Variants in BANF2 observed in about 807,000 individuals in gnomAD.
BANF2 encodes the protein BANF family member 2, also known as barrier-to-autointegration factor-like protein.
BANF2 carries 4 observed loss-of-function variants against 8.0 expected under a neutral mutation model. The observed-to-expected ratio is 0.50, with a 90% CI of 0.25 to 1.14. BANF2 has a LOEUF of 1.14. Among genes scored for constraint, BANF2 ranks in the 50% most tolerant of loss-of-function variants. The probability of loss-of-function intolerance (pLI) is 0.16; values close to 1 mark genes in which losing one functional copy is unlikely to be tolerated. For missense variants in BANF2, 96 were observed against 107.5 expected, an observed-to-expected ratio of 0.89 and a Z score of 0.47; for synonymous variants, 50 against 40.6, an observed-to-expected ratio of 1.23 and a Z score of -0.88.
chr20:17,713,315 A>T (rs1568811575), intron 1 of BANF2, among the ~76,000 whole-genome samples: 6 of 152,166 alleles, frequency 3.9e-5, no homozygotes. Flanking sequence ...GAGGACATCA[A>T]GCTGAGTAAA....
At chr20:17,719,237 G>T (rs541502779) in intron 1 of BANF2, among the ~76,000 whole-genome samples, 1 of 152,108 alleles carries the variant, frequency 6.6e-6, no homozygotes, top group Non-Finnish European at 1.5e-5. Flanking sequence ...TGAGTCTCCC[G>T]TCTCAGCCTT....
chr20:17,725,418 A>G (rs1741568937), intron 3 of BANF2, among the ~76,000 whole-genome samples: 1 of 152,232 alleles, frequency 6.6e-6, no homozygotes, highest in Non-Finnish European at 1.5e-5. Context: ...TCAAACACTC[A>G]GGGATCAACA....
At chr20:17,727,526 C>A (rs2037825635) in intron 3 of BANF2, among the ~76,000 whole-genome samples, 1 of 152,002 alleles carries the variant, frequency 6.6e-6, no homozygotes, top group Admixed American at 6.6e-5. Context: ...GGGGTGAGAG[C>A]CTGTATCAGG....
chr20:17,707,443 C>T (rs547654034), intron 1 of BANF2, among the ~76,000 whole-genome samples: 6 of 151,820 alleles, frequency 4.0e-5, no homozygotes, highest in East Asian at 1.9e-4. Flanking sequence ...ATGTGGTCCC[C>T]GAGTAGGAAG....
chr20:17,696,627 G>T (rs1216528581), upstream of BANF2, among the ~76,000 whole-genome samples: 1 of 152,156 alleles, frequency 6.6e-6, no homozygotes, highest in Admixed American at 6.5e-5. Flanking sequence ...ACTAAAGACT[G>T]TTTGAGGCCA....
chr20:17,706,760 G>A (rs996726379), intron 1 of BANF2, among the ~76,000 whole-genome samples: 2 of 152,226 alleles, frequency 1.3e-5, no homozygotes, highest in Admixed American at 1.3e-4. Context: ...AGCATTCAAT[G>A]AGCAGATGGC....
Position 17,735,755 on chromosome 20 carries a change from T to A in BANF2, c.217T>A (p.Cys73Ser). ...WLICCFGATE[C>S]EAQQTSHCLK... ...CATTTGCTGTTTTGGTGCCACTGAG[T>A]GTGAGGCCCAGCAGACTTCTCACTG... is the stretch of plus-strand genomic sequence containing the variant. Residue 73 changes from cysteine to serine, a missense_variant, in exon 4 of 4, where the codon TGT (cysteine) becomes AGT (serine). Physicochemically the swap from Cys to Ser is moderately radical, Grantham distance 112. Transcript: ENST00000246090. The A allele has an allele frequency of 2.5e-6, 4 of 1,613,986 alleles. No homozygotes were observed. The highest frequency in any genetic ancestry group is 3.4e-6 in the Non-Finnish European group (4 of 1,179,914).
intron 1 of BANF2, among the ~76,000 whole-genome samples, chr20:17,707,688 T>A (rs1600214885): frequency 1.3e-5 from 2 of 152,012 alleles, no homozygotes; most frequent in African/African-American, 4.8e-5. Flanking sequence ...TAAGTGATTC[T>A]CCTGCCTCAG....
At position 17,735,649 on chromosome 20, in the gene BANF2, C is replaced by A. The variant is rs761462452; in HGVS notation, c.127-16C>A. On this transcript the variant is annotated splice_polypyrimidine_tract_variant and intron_variant, in intron 3 of 3. Transcript: ENST00000246090. ...TAACCTTTCCTGCTTTCCTCCCTGT[C>A]TCATCCCCTCCCCAGGCCTACATCC... 8.7e-6 allele frequency: 14 copies of A among 1,612,078 alleles called. No individual in the cohort carries two copies. The highest frequency in any genetic ancestry group is 1.2e-5 in the Non-Finnish European group (14 of 1,178,446).
intron 1 of BANF2, among the ~76,000 whole-genome samples, chr20:17,703,233 A>G (rs1019848041): frequency 1.4e-4 from 21 of 151,996 alleles, no homozygotes; most frequent in South Asian, 4.1e-4. Flanking sequence ...CCCCATTCCA[A>G]TTGCTCCTTA....
chr20:17,700,629 C>G (rs1885080), intron 1 of BANF2, among the ~76,000 whole-genome samples: 28,118 of 152,086 alleles, frequency 0.18, 3,098 homozygotes, highest in African/African-American at 0.31. Flanking sequence ...GCTTTAGGAT[C>G]GTGACGGGAA....
chr20:17,710,697 G>A (rs1245936342), intron 1 of BANF2, among the ~76,000 whole-genome samples: 1 of 152,216 alleles, frequency 6.6e-6, no homozygotes, highest in Non-Finnish European at 1.5e-5. Flanking sequence ...AGCTGCTGCA[G>A]TGATCTCCCA....
At chr20:17,713,155 G>A (rs929523303) in intron 1 of BANF2, among the ~76,000 whole-genome samples, 4 of 152,122 alleles carry the variant, frequency 2.6e-5, no homozygotes, top group African/African-American at 7.2e-5. Context: ...GGGAGGCTGA[G>A]GCAGGAGGAT....
chr20:17,719,702 AAG>A (rs1362087359), intron 1 of BANF2, among the ~76,000 whole-genome samples: 1 of 149,166 alleles, frequency 6.7e-6, no homozygotes, highest in Non-Finnish European at 1.5e-5. Context: ...AAAAAAAAAA[AAG>A]AGGAGCAGCT....
Position 17,735,841 on chromosome 20 carries a change from C to T in BANF2, c.*30C>T. 6.3e-7 allele frequency: 1 copy of T among 1,595,648 alleles called. No homozygotes were observed. Among genetic ancestry groups the T allele is most frequent in the Non-Finnish European group, 8.6e-7 (1 of 1,167,184 alleles). ...AAACCTCATTGCTGCCCCCCACCAC[C>T]CTCTGGGGAAAATGACGCCTTCTCC... is the stretch of plus-strand genomic sequence containing the variant. On this transcript the variant is annotated 3_prime_UTR_variant, in exon 4 of 4. Coordinates refer to ENST00000246090, the MANE Select transcript of BANF2 (RefSeq NM_178477.5).
upstream of BANF2, among the ~76,000 whole-genome samples, chr20:17,698,821 T>G (rs2037373737): frequency 6.6e-6 from 1 of 152,256 alleles, no homozygotes; most frequent in Admixed American, 6.5e-5. Flanking sequence ...TAAAGCGTGC[T>G]GGTTGAACCC....
intron 3 of BANF2, 125 bp downstream of exon 3, chr20:17,725,276 C>G (rs985330986): frequency 7.3e-6 from 9 of 1,231,870 alleles, no homozygotes; most frequent in Non-Finnish European, 1.0e-5. Flanking sequence ...TGCCGCTTGG[C>G]GGGGTGCCAC....
At chr20:17,704,500 C>A (rs2037453668) in intron 1 of BANF2, among the ~76,000 whole-genome samples, 1 of 152,214 alleles carries the variant, frequency 6.6e-6, no homozygotes, top group Admixed American at 6.5e-5. Context: ...GACAGCACTT[C>A]TTTGGGTTAA....
chr20:17,701,034 G>A (rs1316185175), intron 1 of BANF2, among the ~76,000 whole-genome samples: 1 of 152,166 alleles, frequency 6.6e-6, no homozygotes, highest in East Asian at 1.9e-4. Flanking sequence ...GGGAGGTGGT[G>A]GGGGGTGGAT....
Sources: gnomAD v4.1 joint callset for allele counts (sites outside exome capture counted in the v4.1 genomes callset) on GRCh38, gnomAD v4.1.1 for gene constraint, MANE v1.5 for transcripts, NCBI Gene and HGNC (gene_info 2026-07-23, HGNC 2026-07-21) for gene names.